The following MED25 variants were observed in gnomAD, a reference collection of about 807,000 sequenced individuals.
The protein encoded by MED25 is mediator complex subunit 25.
In MED25, 62 loss-of-function variants were observed where a neutral mutation model predicts 89.4. The observed-to-expected ratio is 0.69, with a 90% confidence interval of 0.57 to 0.86. The LOEUF (loss-of-function observed/expected upper bound fraction) is 0.86, where lower values mean the gene tolerates loss of function less well. Among genes scored for constraint, MED25 ranks in the 40% least tolerant of loss-of-function variants. MED25 has a pLI of 0.00. For missense variants in MED25, 905 were observed against 1,005.2 expected, an observed-to-expected ratio of 0.90 and a Z score of 1.35; for synonymous variants, 449 against 427.9, an observed-to-expected ratio of 1.05 and a Z score of -0.61.
intron 3 of MED25, among the ~76,000 whole-genome samples, chr19:49,824,401 T>C (rs2074001889): frequency 1.3e-5 from 2 of 151,990 alleles, no homozygotes; most frequent in Non-Finnish European, 1.5e-5. Flanking sequence ...AATGAATTAG[T>C]ATGTAATACA....
intron 2 of MED25, 128 bp downstream of exon 2, chr19:49,818,744 T>C (rs907643731): frequency 2.1e-6 from 2 of 933,204 alleles, no homozygotes; most frequent in East Asian, 2.5e-5. Context: ...GGGTCTGGAC[T>C]CCTTGTTCTG....
chr19:49,821,816 CA>C (rs35798804), intron 3 of MED25, among the ~76,000 whole-genome samples: 5,525 of 84,126 alleles, frequency 0.066, 123 homozygotes, highest in South Asian at 0.15. Flanking sequence ...AATTCTGTCT[CA>C]AAAAAAAAAA....
rs778576788 is a variant in MED25, at chr19:49,831,429, C to G, written c.1198C>G (p.Leu400Val). 2 of 1,612,444 alleles carry G rather than the reference C, an allele frequency of 1.2e-6. No individual in the cohort carries two copies. Among genetic ancestry groups the G allele is most frequent in the Non-Finnish European group, 1.7e-6 (2 of 1,179,394 alleles). The change falls in exon 10 of 18, where the codon CTG becomes GTG. Residue 400 changes from leucine to valine, a missense_variant. Leu to Val is a conservative substitution (Grantham distance 32). Coordinates refer to ENST00000312865, the MANE Select transcript of MED25 (RefSeq NM_030973.4). This position sits in a 1 kb window ranked among gnomAD's most constrained non-coding sequence, Gnocchi z 5.0. Reference protein sequence around the residue: ...GGQQSVSNKLLAWSGVLEWQE... With the variant: ...GGQQSVSNKLVAWSGVLEWQE... ...GCAGCAGTCAGTCTCCAATAAGCTT[C>G]TGGCCTGGAGCGGGGTCCTGGAGTG...
chr19:49,822,711 G>A (rs553728744), intron 3 of MED25, among the ~76,000 whole-genome samples: 3 of 139,736 alleles, frequency 2.1e-5, no homozygotes, highest in South Asian at 2.3e-4. Context: ...GCAGTGGTGC[G>A]ATCTCAGCTC....
At chr19:49,827,034 C>G (rs2074020329) in intron 3 of MED25, among the ~76,000 whole-genome samples, 1 of 152,136 alleles carries the variant, frequency 6.6e-6, no homozygotes, top group Non-Finnish European at 1.5e-5. Context: ...CTGTGGTGGG[C>G]AAGCCTGGGG....
rs76314724 is a variant in MED25 at position 49,823,332 on chromosome 19, T to C, written c.305+4036T>C. Reference sequence around the variant, plus strand: ...TTCAGTGTAGGAGGAGACTACCCAGTGTGTAAATAGCAAGAGGCTGGATTG... The same window carrying C: ...TTCAGTGTAGGAGGAGACTACCCAGCGTGTAAATAGCAAGAGGCTGGATTG... On this transcript the variant is annotated intron_variant, in intron 3 of 17. Coordinates refer to ENST00000312865, the MANE Select transcript of MED25 (RefSeq NM_030973.4). 2.1e-4 allele frequency among the ~76,000 whole-genome samples: 32 copies of C among 152,120 alleles called. No individual in the cohort carries two copies. The East Asian group carries it at 6.2e-3, about 29-fold the overall frequency.
Position 49,830,673 on chromosome 19 carries a change from T to C in MED25, c.908-21T>C, listed in dbSNP as rs2074048970. 1.2e-6 allele frequency: 2 copies of C among 1,613,594 alleles called. No individual in the cohort carries two copies. The highest frequency in any genetic ancestry group is 1.7e-6 in the Non-Finnish European group (2 of 1,179,612). ...TCTCCACACACTTGTTCCCCACTTC[T>C]TCCCTTGGTCTCTCCCACAGTCTCG... On this transcript the variant is annotated intron_variant, in intron 8 of 17. Coordinates refer to ENST00000312865, the MANE Select transcript of MED25 (RefSeq NM_030973.4). This position sits in a 1 kb window ranked among gnomAD's most constrained non-coding sequence, Gnocchi z 4.6.
intron 3 of MED25, among the ~76,000 whole-genome samples, 175 bp from the exon 4 acceptor site, chr19:49,828,274 G>T (rs987367344): frequency 6.6e-6 from 1 of 151,774 alleles, no homozygotes; most frequent in African/African-American, 2.4e-5. Context: ...TGTCCTGTCT[G>T]GGACTGGTGC....
At position 49,830,471 on chromosome 19, in the gene MED25, G is replaced by A. The variant is rs369721544; in HGVS notation, c.820-40G>A. On this transcript the variant is annotated intron_variant, in intron 7 of 17. Coordinates refer to ENST00000312865, the MANE Select transcript of MED25 (RefSeq NM_030973.4). The surrounding 1 kb of genome is among the most constrained non-coding windows in gnomAD (Gnocchi z 4.6). ...GGGATACCAGGACTGGGGGGCCATGGTCCTCACCAGTCCCTTCCCTTCTTC... is the reference window on the plus strand; with the variant it reads ...GGGATACCAGGACTGGGGGGCCATGATCCTCACCAGTCCCTTCCCTTCTTC... 6.3e-7 allele frequency: 1 copy of A among 1,590,568 alleles called. No individual in the cohort carries two copies. The highest frequency in any genetic ancestry group is 1.3e-5 in the African/African-American group (1 of 74,428).
At position 49,829,076 on chromosome 19, in the gene MED25, CAGCAG is replaced by C. The variant is rs767156445; in HGVS notation, c.513_517del (p.Gln171HisfsTer24). The C allele has an allele frequency of 1.9e-6, 3 of 1,613,816 alleles. No homozygotes were observed. Among genetic ancestry groups the C allele is most frequent in the Non-Finnish European group, 2.5e-6 (3 of 1,179,876 alleles). ...TGGATGCACAACTGAGAATCTTGTGCAGCAGATTGGGGAGGTGAGGACTCCAGGGT... is the reference window on the plus strand; with the variant it reads ...TGGATGCACAACTGAGAATCTTGTGCATTGGGGAGGTGAGGACTCCAGGGT... On this transcript the variant is annotated frameshift_variant, in exon 5 of 18. Transcript: ENST00000312865. LOFTEE classifies it high-confidence loss of function. This position sits in a 1 kb window ranked among gnomAD's most constrained non-coding sequence, Gnocchi z 4.6.
Position 49,828,551 on chromosome 19 carries a change from A to C in MED25, c.404+4A>C, listed in dbSNP as rs1426619914. The C allele has an allele frequency of 6.2e-7, 1 of 1,610,020 alleles. No homozygotes were observed. Among genetic ancestry groups the C allele is most frequent in the African/African-American group, 1.3e-5 (1 of 74,820 alleles). The stretch of plus-strand genomic sequence containing the variant: ...TCAAGAAGATGCGCGAGCAGATGTG[A>C]GTGCCCCCTCCACCCAGGCCGGGCC... On this transcript the variant is annotated splice_donor_region_variant and intron_variant, in intron 4 of 17. Coordinates refer to ENST00000312865, the MANE Select transcript of MED25 (RefSeq NM_030973.4).
downstream of MED25, among the ~76,000 whole-genome samples, chr19:49,837,285 A>G (rs932266710): frequency 6.6e-6 from 1 of 152,230 alleles, no homozygotes; most frequent in African/African-American, 2.4e-5. Context: ...TCAGGCTGGG[A>G]GGGAAGGAGG....
chr19:49,838,177 A>G (rs2074112796), downstream of MED25, among the ~76,000 whole-genome samples: 1 of 152,056 alleles, frequency 6.6e-6, no homozygotes, highest in South Asian at 2.1e-4. Flanking sequence ...CCCAGGAGAG[A>G]GATTGCAATC....
At chr19:49,819,581 C>A (rs563476099) in intron 3 of MED25, 1 of 421,360 alleles carries the variant, frequency 2.4e-6, no homozygotes, top group Non-Finnish European at 4.4e-6. Context: ...TCAGAAGTCA[C>A]TTTTGTGGTG....
chr19:49,834,846 A>G lies in MED25; in HGVS notation c.1483-140A>G. 2 of 858,868 alleles carry G rather than the reference A, an allele frequency of 2.3e-6. No homozygotes were observed. Among genetic ancestry groups the G allele is most frequent in the East Asian group, 2.5e-5 (1 of 39,640 alleles). 53.2% of individuals were successfully genotyped at this position (858,868 alleles called of 1,614,324 possible). ...CTGTCTCCAGAGCAACCCATAGCAC[A>G]CCTGTTCTCCTTAACCTTCTATAGC... On this transcript the variant is annotated intron_variant, in intron 13 of 17. Coordinates refer to ENST00000312865, the MANE Select transcript of MED25 (RefSeq NM_030973.4). This position sits in a 1 kb window ranked among gnomAD's most constrained non-coding sequence, Gnocchi z 4.1.
rs1187141930 is a variant in MED25, at chr19:49,829,757, G to A, written c.526-29G>A. 3.8e-6 allele frequency: 6 copies of A among 1,565,870 alleles called. No homozygotes were observed. The highest frequency in any genetic ancestry group is 2.4e-5 in the East Asian group (1 of 41,808). ...CCCAACACCCTTATGGAGGGGGCCC[G>A]TCATGACTGCTCGGCCCCTCTCCTA... On this transcript the variant is annotated intron_variant, in intron 5 of 17. Coordinates refer to ENST00000312865, the MANE Select transcript of MED25 (RefSeq NM_030973.4). The surrounding 1 kb of genome is among the most constrained non-coding windows in gnomAD (Gnocchi z 4.6).
Position 49,834,704 on chromosome 19 carries a change from G to A in MED25, c.1483-282G>A. 1 of 509,780 alleles carries A rather than the reference G, an allele frequency of 2.0e-6. No homozygotes were observed. The highest frequency in any genetic ancestry group is 3.6e-6 in the Non-Finnish European group (1 of 279,460). The allele number at this position is 509,780 out of a possible 1,614,324, so 31.6% of individuals were successfully genotyped here. Reference sequence around the variant, plus strand: ...CGTGGCATTTTATGCCCAAGAAACTGGGTCCATGAGGAGCAGGTGGTGGCT... The same window carrying A: ...CGTGGCATTTTATGCCCAAGAAACTAGGTCCATGAGGAGCAGGTGGTGGCT... On this transcript the variant is annotated intron_variant, in intron 13 of 17. Transcript: ENST00000312865. The surrounding 1 kb of genome is among the most constrained non-coding windows in gnomAD (Gnocchi z 4.1).
rs747438443 is a variant in MED25, at chr19:49,831,324, C to T, written c.1102-9C>T. On this transcript the variant is annotated splice_polypyrimidine_tract_variant and intron_variant, in intron 9 of 17. Transcript: ENST00000312865. This position sits in a 1 kb window ranked among gnomAD's most constrained non-coding sequence, Gnocchi z 5.0. ...CATTCTCATGGCCCTCCTTCCTCCC[C>T]TCTGGCAGGCAGGCACTGTGGCCCC... 2 of 1,609,840 alleles carry T rather than the reference C, an allele frequency of 1.2e-6. No homozygotes were observed. Among genetic ancestry groups the T allele is most frequent in the Non-Finnish European group, 1.7e-6 (2 of 1,178,644 alleles).
downstream of MED25, chr19:49,839,883 G>T (rs1204866658): frequency 6.6e-6 from 1 of 152,216 alleles, no homozygotes; most frequent in African/African-American, 2.4e-5. Context: ...TGTCCAGTTT[G>T]CCTTTGTTGG....
Sources: allele counts gnomAD v4.1 joint callset (sites outside exome capture counted in the v4.1 genomes callset), GRCh38; gene constraint gnomAD v4.1.1; non-coding constraint Gnocchi (gnomAD v3.1); transcripts MANE v1.5; gene names NCBI Gene and HGNC (gene_info 2026-07-23, HGNC 2026-07-21).